The following NXPE2 variants were observed in gnomAD, a reference collection of about 807,000 sequenced individuals.
The protein encoded by NXPE2 is neurexophilin and PC-esterase domain family member 2, also known as NXPE family member 2.
A neutral mutation model predicts 34.4 loss-of-function variants in NXPE2; 34 were observed. That is an observed-to-expected ratio of 0.99 (90% CI 0.75 to 1.31). The LOEUF is 1.31. Ranked by LOEUF, NXPE2 falls within the 40% of genes most tolerant of loss-of-function variation. The pLI is 0.00. For synonymous variants in NXPE2, 235 were observed against 231.3 expected, an observed-to-expected ratio of 1.02 and a Z score of -0.15; for missense variants, 649 against 672.5, an observed-to-expected ratio of 0.97 and a Z score of 0.39.
At chr11:114,718,687 A>G in the NXPE2 span, among the ~76,000 whole-genome samples, 1 of 152,308 alleles carries the variant, frequency 6.6e-6, no homozygotes, top group East Asian at 1.9e-4. Context: ...CAAATATGGG[A>G]CAATTTGAGC....
the NXPE2 span, among the ~76,000 whole-genome samples, chr11:114,475,605 G>A: frequency 1.4e-3 from 220 of 152,086 alleles, no homozygotes; most frequent in African/African-American, 4.6e-3. Context: ...CAACCACTTC[G>A]CTCATTTATG....
At chr11:114,713,408 A>G in the NXPE2 span, among the ~76,000 whole-genome samples, 6 of 152,170 alleles carry the variant, frequency 3.9e-5, no homozygotes, top group African/African-American at 1.4e-4. Flanking sequence ...TCTTTGTCCA[A>G]CTTGCTAAAA....
the NXPE2 span, among the ~76,000 whole-genome samples, chr11:114,610,098 A>T: frequency 6.6e-6 from 1 of 151,648 alleles, no homozygotes; most frequent in African/African-American, 2.4e-5. Flanking sequence ...GGTGAATAAT[A>T]AGTGTTGTCT....
At chr11:114,598,002 C>T in the NXPE2 span, among the ~76,000 whole-genome samples, 8 of 152,080 alleles carry the variant, frequency 5.3e-5, no homozygotes, top group African/African-American at 1.7e-4. Flanking sequence ...CAAGGTAAGT[C>T]CCTTCCACCT....
the NXPE2 span, among the ~76,000 whole-genome samples, chr11:114,550,448 A>G: frequency 2.0e-5 from 3 of 152,200 alleles, no homozygotes; most frequent in Non-Finnish European, 1.5e-5. Flanking sequence ...TATGCTACGG[A>G]GGCCGCACTC....
chr11:114,614,973 C>T, the NXPE2 span, among the ~76,000 whole-genome samples: 2 of 150,568 alleles, frequency 1.3e-5, no homozygotes, highest in Admixed American at 1.3e-4. Flanking sequence ...TAAGTATTGC[C>T]TCGTGAGTAA....
the NXPE2 span, among the ~76,000 whole-genome samples, chr11:114,790,447 C>T: frequency 1.3e-5 from 2 of 152,320 alleles, no homozygotes; most frequent in African/African-American, 4.8e-5. Context: ...GGAGAAGTTA[C>T]ACACCTTGCT....
At chr11:114,606,868 G>A in the NXPE2 span, among the ~76,000 whole-genome samples, 1 of 151,800 alleles carries the variant, frequency 6.6e-6, no homozygotes, top group Non-Finnish European at 1.5e-5. Context: ...GTTATGCAGT[G>A]GATAATAAGT....
chr11:114,621,579 G>A, the NXPE2 span, among the ~76,000 whole-genome samples: 3 of 152,034 alleles, frequency 2.0e-5, no homozygotes, highest in Non-Finnish European at 4.4e-5. Context: ...ACTGTTACCT[G>A]TTGGATAATA....
the NXPE2 span, among the ~76,000 whole-genome samples, chr11:114,794,849 C>CCG: frequency 0.028 from 4,080 of 146,310 alleles, 203 homozygotes; most frequent in African/African-American, 0.096. Context: ...AATTGCACCC[C>CCG]CGCCCCCCCC....
chr11:114,593,244 C>T, the NXPE2 span, among the ~76,000 whole-genome samples: 2 of 152,106 alleles, frequency 1.3e-5, no homozygotes, highest in Non-Finnish European at 2.9e-5. Context: ...AGTTAACCTA[C>T]AGAATGGGAG....
intron 2 of NXPE2, among the ~76,000 whole-genome samples, chr11:114,693,812 A>G (rs1951198331): frequency 6.6e-6 from 1 of 152,258 alleles, no homozygotes; most frequent in African/African-American, 2.4e-5. Context: ...TGGAATTATC[A>G]AATACTTAAA....
chr11:114,614,522 T>A, the NXPE2 span, among the ~76,000 whole-genome samples: 1 of 151,668 alleles, frequency 6.6e-6, no homozygotes, highest in African/African-American at 2.4e-5. Flanking sequence ...TGTTGCCTCA[T>A]GGGGAACCAG....
At chr11:114,693,374 G>C (rs1318960085) in intron 2 of NXPE2, among the ~76,000 whole-genome samples, 1 of 152,158 alleles carries the variant, frequency 6.6e-6, no homozygotes. Context: ...GAACTCCTGG[G>C]CTCAACTCTG....
At chr11:114,695,262 A>G (rs1354263239) in intron 2 of NXPE2, among the ~76,000 whole-genome samples, 2 of 152,158 alleles carry the variant, frequency 1.3e-5, no homozygotes, top group Non-Finnish European at 2.9e-5. Flanking sequence ...ATTTCTATAC[A>G]GAATTCCTAT....
chr11:114,609,859 C>T, the NXPE2 span, among the ~76,000 whole-genome samples: 27,019 of 145,524 alleles, frequency 0.19, 2,831 homozygotes, highest in South Asian at 0.23. Flanking sequence ...TATTGCCTCG[C>T]GGGTAACCAC....
At chr11:114,633,286 A>T in the NXPE2 span, among the ~76,000 whole-genome samples, 3 of 138,784 alleles carry the variant, frequency 2.2e-5, no homozygotes, top group Non-Finnish European at 4.6e-5. Flanking sequence ...ATGTTATATT[A>T]TAAAATTCTA....
the NXPE2 span, among the ~76,000 whole-genome samples, chr11:114,757,048 C>T: frequency 6.6e-6 from 1 of 152,142 alleles, no homozygotes; most frequent in Non-Finnish European, 1.5e-5. Flanking sequence ...TTTCCAGCTG[C>T]ACTTGATAAA....
the NXPE2 span, chr11:114,594,745 C>T: frequency 1.9e-6 from 3 of 1,554,300 alleles, no homozygotes; most frequent in South Asian, 3.4e-5. Flanking sequence ...TATAATTTAT[C>T]ATACTTATTT....
Sources: gnomAD v4.1 joint callset for allele counts (sites outside exome capture counted in the v4.1 genomes callset) on GRCh38, gnomAD v4.1.1 for gene constraint, MANE v1.5 for transcripts, NCBI Gene and HGNC (gene_info 2026-07-23, HGNC 2026-07-21) for gene names.